Variants in MAP4 observed in about 807,000 individuals in gnomAD.
The protein encoded by MAP4 is microtubule-associated protein 4.
Under a neutral mutation model 170.2 loss-of-function variants are expected in MAP4, and 76 were observed. That is an observed-to-expected ratio of 0.45 (90% CI 0.37 to 0.54). The LOEUF is 0.54. Among genes scored for constraint, MAP4 ranks in the 20% least tolerant of loss-of-function variants. The pLI is 0.00. For missense variants in MAP4, 2,506 were observed against 2,748.0 expected, an observed-to-expected ratio of 0.91 and a Z score of 1.97; for synonymous variants, 909 against 994.5, an observed-to-expected ratio of 0.91 and a Z score of 1.62.
intron 1 of MAP4, among the ~76,000 whole-genome samples, chr3:48,066,639 G>A (rs1019669747): frequency 5.9e-5 from 9 of 151,882 alleles, no homozygotes; most frequent in African/African-American, 1.5e-4. Flanking sequence ...GATTACAGGC[G>A]TGCGCCAAGT....
In MAP4 at chr3:47,918,701, G is replaced by T. The variant is rs2100041079; in HGVS notation, c.652+18C>A. On this transcript the variant is annotated intron_variant, in intron 6 of 20. Transcript: ENST00000683076. ...TACTGCAACCATTAACTGATAAAGG[G>T]AGTCTCTAATAGTTTACCTGCCGTT... 1 of 1,592,816 alleles carries T rather than the reference G, an allele frequency of 6.3e-7. No individual in the cohort carries two copies. The highest frequency in any genetic ancestry group is 1.7e-5 in the Admixed American group (1 of 59,786).
At chr3:48,031,951 T>C (rs1309487339) in intron 1 of MAP4, among the ~76,000 whole-genome samples, 2 of 152,212 alleles carry the variant, frequency 1.3e-5, no homozygotes, top group Admixed American at 1.3e-4. Flanking sequence ...GTATGCACCC[T>C]TGATATAATG....
chr3:47,930,373 A>C (rs1458595483), intron 3 of MAP4, among the ~76,000 whole-genome samples: 1 of 151,246 alleles, frequency 6.6e-6, no homozygotes, highest in Non-Finnish European at 1.5e-5. Flanking sequence ...TGAACCCGGG[A>C]AGCGGAGCTT....
intron 4 of MAP4, among the ~76,000 whole-genome samples, chr3:47,922,892 A>G (rs938434472): frequency 2.0e-5 from 3 of 152,164 alleles, no homozygotes; most frequent in African/African-American, 7.2e-5. Context: ...TACTAAAAAT[A>G]TAAAAAAATT....
intron 1 of MAP4, among the ~76,000 whole-genome samples, chr3:48,015,842 G>GA (rs759352296): frequency 2.6e-4 from 40 of 152,324 alleles, no homozygotes; most frequent in African/African-American, 9.1e-4. Flanking sequence ...AGACAAATCT[G>GA]AATTTCTCCT....
At position 48,042,574 on chromosome 3, in the gene MAP4, T is replaced by C. The variant is rs1018218930; in HGVS notation, c.-19-43695A>G. 3.3e-5 allele frequency among the ~76,000 whole-genome samples: 5 copies of C among 152,034 alleles called. No homozygotes were observed. In the East Asian group the frequency reaches 5.8e-4, roughly 18 times the overall value. ...AACCACAATGAGATCCTACACCCAGTAGCATGACTAAAATAAAAAAAAACA... is the reference window on the plus strand; with the variant it reads ...AACCACAATGAGATCCTACACCCAGCAGCATGACTAAAATAAAAAAAAACA... On this transcript the variant is annotated intron_variant, in intron 1 of 18. Transcript: ENST00000360240.
chr3:47,975,342 C>T, intron 3 of MAP4: 1 of 1,545,130 alleles, frequency 6.5e-7, no homozygotes, highest in South Asian at 1.2e-5. Flanking sequence ...TCTTCTACAT[C>T]ATGTCCAGGA....
chr3:47,864,592 G>C (rs905269143), intron 17 of MAP4, among the ~76,000 whole-genome samples: 1 of 152,200 alleles, frequency 6.6e-6, no homozygotes, highest in Non-Finnish European at 1.5e-5. Flanking sequence ...CAGGAGAATA[G>C]CATCAATCCG....
chr3:47,906,508 AC>A (rs1219136565), intron 9 of MAP4, among the ~76,000 whole-genome samples: 2 of 151,768 alleles, frequency 1.3e-5, no homozygotes, highest in Non-Finnish European at 2.9e-5. Context: ...ACATGGAGAA[AC>A]CCCGTCTCTA....
At chr3:47,953,029 T>C (rs1240420397) in intron 3 of MAP4, among the ~76,000 whole-genome samples, 4 of 152,186 alleles carry the variant, frequency 2.6e-5, no homozygotes, top group East Asian at 3.8e-4. Context: ...TTGACACTTT[T>C]GACAGAAAAA....
At chr3:48,003,459 A>C (rs2100100470) in intron 1 of MAP4, among the ~76,000 whole-genome samples, 1 of 151,422 alleles carries the variant, frequency 6.6e-6, no homozygotes, top group South Asian at 2.1e-4. Context: ...TTCTCAAAAA[A>C]AAAAAAAAAA....
At chr3:48,082,589 G>T (rs1559920278) in intron 1 of MAP4, among the ~76,000 whole-genome samples, 1 of 152,110 alleles carries the variant, frequency 6.6e-6, no homozygotes, top group African/African-American at 2.4e-5. Context: ...ACTGCATGAG[G>T]CCAGGAGTTC....
chr3:47,854,899 C>T (rs141451242), intron 19 of MAP4, among the ~76,000 whole-genome samples: 14 of 152,352 alleles, frequency 9.2e-5, no homozygotes, highest in Non-Finnish European at 2.9e-5. Flanking sequence ...CGCGAGACAG[C>T]TGGGGAGAAC....
At chr3:47,939,003 C>A (rs902322437) in intron 3 of MAP4, among the ~76,000 whole-genome samples, 2 of 152,234 alleles carry the variant, frequency 1.3e-5, no homozygotes, top group African/African-American at 4.8e-5. Flanking sequence ...ACTACTCCAA[C>A]AGGAAAGTCA....
intron 1 of MAP4, among the ~76,000 whole-genome samples, chr3:48,056,654 GGGAGGGA>G (rs1209068886): frequency 7.9e-6 from 1 of 126,916 alleles, no homozygotes; most frequent in Non-Finnish European, 1.6e-5. Context: ...CGCCCTGTCT[GGGAGGGA>G]GGTGGGGGGG....
Position 48,054,648 on chromosome 3 carries a change from A to T in MAP4, c.-20+34125T>A, listed in dbSNP as rs1003104643. Among the ~76,000 whole-genome samples the T allele has an allele frequency of 3.3e-5, 5 of 149,976 alleles. No homozygotes were observed. The East Asian group carries it at 9.8e-4, about 29-fold the overall frequency. ...CCATCTCAAAAAAAAAAAAAAAAAA[A>T]AAAAAAAAAATTAGCTGGCCATGGT... On this transcript the variant is annotated intron_variant, in intron 1 of 18. Coordinates refer to the MAP4 transcript ENST00000360240.
At chr3:47,946,584 G>A (rs2100060108) in intron 3 of MAP4, among the ~76,000 whole-genome samples, 1 of 144,882 alleles carries the variant, frequency 6.9e-6, no homozygotes, top group African/African-American at 2.6e-5. Flanking sequence ...AACCCAGGAG[G>A]CAGAGGTTGC....
intron 1 of MAP4, among the ~76,000 whole-genome samples, chr3:48,057,811 C>G (rs1164683208): frequency 1.3e-5 from 2 of 152,066 alleles, no homozygotes; most frequent in Non-Finnish European, 2.9e-5. Flanking sequence ...AAGAAATTTC[C>G]ACCAGGGGAA....
At chr3:47,864,904 G>A (rs2076826344) in intron 17 of MAP4, among the ~76,000 whole-genome samples, 1 of 152,066 alleles carries the variant, frequency 6.6e-6, no homozygotes. Flanking sequence ...CCAGCTGGGG[G>A]GCTCATCATT....
Sources: gnomAD v4.1 joint callset for allele counts (sites outside exome capture counted in the v4.1 genomes callset) on GRCh38, gnomAD v4.1.1 for gene constraint, MANE v1.5 for transcripts, NCBI Gene and HGNC (gene_info 2026-07-23, HGNC 2026-07-21) for gene names.